The following DERA variants were observed in gnomAD, a reference collection of about 807,000 sequenced individuals.
The protein encoded by DERA is 2-deoxy-D-ribose 5-phosphate aldolase.
In DERA, 15 loss-of-function variants were observed where a neutral mutation model predicts 41.1. That is an observed-to-expected ratio of 0.37 (90% CI 0.24 to 0.56). The LOEUF (loss-of-function observed/expected upper bound fraction) is 0.56, where lower values mean the gene tolerates loss of function less well. Among genes scored for constraint, DERA ranks in the 20% least tolerant of loss-of-function variants. DERA has a pLI of 0.81. For synonymous variants in DERA, 139 were observed against 137.4 expected, an observed-to-expected ratio of 1.01 and a Z score of -0.08; for missense variants, 396 against 403.4, an observed-to-expected ratio of 0.98 and a Z score of 0.16.
chr12:15,996,806 C>T lies in DERA; in HGVS notation c.637+14370C>T, dbSNP rs571505231. 1.3e-5 allele frequency among the ~76,000 whole-genome samples: 2 copies of T among 152,134 alleles called. No homozygotes were observed. The highest frequency in any genetic ancestry group is 6.5e-5 in the Admixed American group (1 of 15,272). On this transcript the variant is annotated intron_variant, in intron 6 of 8. Transcript: ENST00000428559. This position sits in a 1 kb window ranked among gnomAD's most constrained non-coding sequence, Gnocchi z 4.7. Reference sequence around the variant, plus strand: ...GACTCAAACCCAGCAAACTTGAATTCAGGTACAAAAGATTGATTTTTCCCT... The same window carrying T: ...GACTCAAACCCAGCAAACTTGAATTTAGGTACAAAAGATTGATTTTTCCCT...
At position 15,981,271 on chromosome 12, in the gene DERA, C is replaced by G. The variant is rs1267432028; in HGVS notation, c.509-1037C>G. Among the ~76,000 whole-genome samples the G allele has an allele frequency of 6.6e-6, 1 of 152,112 alleles. No individual in the cohort carries two copies. The highest frequency in any genetic ancestry group is 2.4e-5 in the African/African-American group (1 of 41,416). On this transcript the variant is annotated intron_variant, in intron 5 of 8. Coordinates refer to ENST00000428559, the MANE Select transcript of DERA (RefSeq NM_015954.4). The surrounding 1 kb of genome is among the most constrained non-coding windows in gnomAD (Gnocchi z 6.1). ...GCTGAGGCAGGAGAATGGCGTGAAC[C>G]CCAGAGGCGGAGGTTGCAGTGAGCT...
In DERA at chr12:16,036,179, A is replaced by G. The variant is rs957246050; in HGVS notation, c.751-53A>G. 7.0e-7 allele frequency: 1 copy of G among 1,432,422 alleles called. No individual in the cohort carries two copies. The highest frequency in any genetic ancestry group is 2.0e-4 in the Middle Eastern group (1 of 5,114). 88.7% of individuals were successfully genotyped at this position (1,432,422 alleles called of 1,614,324 possible). A position where few individuals can be genotyped will look rare whatever the true frequency, so the allele number is the denominator to read the frequency against. ...CTCTGATAAACATAGTACTATTTTTAAAAGAAATCCAATAACAATAAAGAT... is the reference window on the plus strand; with the variant it reads ...CTCTGATAAACATAGTACTATTTTTGAAAGAAATCCAATAACAATAAAGAT... On this transcript the variant is annotated intron_variant, in intron 7 of 8. Coordinates refer to ENST00000428559, the MANE Select transcript of DERA (RefSeq NM_015954.4). This position sits in a 1 kb window ranked among gnomAD's most constrained non-coding sequence, Gnocchi z 4.9.
At position 15,931,074 on chromosome 12, in the gene DERA, T is replaced by C. The variant is rs966411365; in HGVS notation, c.31+19660T>C. On this transcript the variant is annotated intron_variant, in intron 1 of 8. Transcript: ENST00000428559. This position sits in a 1 kb window ranked among gnomAD's most constrained non-coding sequence, Gnocchi z 4.6. ...AATAGTTTTCAAATTGTTTTAAGTGTTTTCTATTATGGAGATATAAATAAT... is the reference window on the plus strand; with the variant it reads ...AATAGTTTTCAAATTGTTTTAAGTGCTTTCTATTATGGAGATATAAATAAT... 6.6e-6 allele frequency among the ~76,000 whole-genome samples: 1 copy of C among 152,206 alleles called. No homozygotes were observed. Among genetic ancestry groups the C allele is most frequent in the Admixed American group, 6.5e-5 (1 of 15,282 alleles).
At position 16,020,650 on chromosome 12, in the gene DERA, A is replaced by G. The variant is rs1305107731; in HGVS notation, c.638-11892A>G. Reference sequence around the variant, plus strand: ...CAGAAAAAGACAGGAAGATGAGAGAAAGTTTGAAACTTATGAGAGACTGGT... The same window carrying G: ...CAGAAAAAGACAGGAAGATGAGAGAGAGTTTGAAACTTATGAGAGACTGGT... On this transcript the variant is annotated intron_variant, in intron 6 of 8. Coordinates refer to ENST00000428559, the MANE Select transcript of DERA (RefSeq NM_015954.4). This position sits in a 1 kb window ranked among gnomAD's most constrained non-coding sequence, Gnocchi z 5.5. Among the ~76,000 whole-genome samples, 1 of 152,208 alleles carries G rather than the reference A, an allele frequency of 6.6e-6. No individual in the cohort carries two copies. The highest frequency in any genetic ancestry group is 6.5e-5 in the Admixed American group (1 of 15,276).
chr12:16,036,742 C>G lies in DERA; in HGVS notation c.953C>G (p.Ser318Cys). ...GCAGCTTATCATGATCTTCCAATGT[C>G]TTAAATCAGTCACCAGTTCCAGAAA... ...RYAAYHDLPM[S>C] Residue 318 changes from serine to cysteine, a missense_variant, in exon 9 of 9, where the codon TCT (serine) becomes TGT (cysteine). Ser to Cys is a moderately radical substitution (Grantham distance 112). Coordinates refer to ENST00000428559, the MANE Select transcript of DERA (RefSeq NM_015954.4). This position sits in a 1 kb window ranked among gnomAD's most constrained non-coding sequence, Gnocchi z 4.9. The G allele has an allele frequency of 6.3e-7, 1 of 1,590,594 alleles. No homozygotes were observed.
chr12:15,924,888 T>C lies in DERA; in HGVS notation c.31+13474T>C, dbSNP rs116388205. Among the ~76,000 whole-genome samples the C allele has an allele frequency of 5.0e-3, 755 of 152,294 alleles. 13 individuals carry two copies. The highest frequency in any genetic ancestry group is 0.017 in the African/African-American group (715 of 41,556). ...GTTTTTATGTTCTAATGCTGCCTTA[T>C]TAATAGGCTGCTTGAGGGTAGGATC... On this transcript the variant is annotated intron_variant, in intron 1 of 8. Transcript: ENST00000428559. This position sits in a 1 kb window ranked among gnomAD's most constrained non-coding sequence, Gnocchi z 5.0.
At chr12:16,032,827 GTGA>G in intron 7 of DERA, 173 bp downstream of exon 7, 2 of 569,452 alleles carry the variant, frequency 3.5e-6, no homozygotes, top group Non-Finnish European at 6.2e-6. Flanking sequence ...GAGAAAAATT[GTGA>G]TGAACAGAAA....
chr12:15,975,506 G>C (rs1034769508), intron 5 of DERA, among the ~76,000 whole-genome samples: 6 of 152,210 alleles, frequency 3.9e-5, no homozygotes, highest in Non-Finnish European at 8.8e-5. Context: ...TAATCTTGGA[G>C]CTAACTTGTT....
rs1221165643 is a variant in DERA at position 15,993,905 on chromosome 12, G to T, written c.637+11469G>T. On this transcript the variant is annotated intron_variant, in intron 6 of 8. Coordinates refer to ENST00000428559, the MANE Select transcript of DERA (RefSeq NM_015954.4). This position sits in a 1 kb window ranked among gnomAD's most constrained non-coding sequence, Gnocchi z 4.4. ...TTTGGTACATGCATATCCTTTTAAA[G>T]AAAAGGTTGAGTATATGACAGACAT... Among the ~76,000 whole-genome samples the T allele has an allele frequency of 6.6e-6, 1 of 152,192 alleles. No homozygotes were observed. Among genetic ancestry groups the T allele is most frequent in the African/African-American group, 2.4e-5 (1 of 41,444 alleles).
At position 16,017,670 on chromosome 12, in the gene DERA, T is replaced by G. The variant is rs751601308; in HGVS notation, c.638-14872T>G. ...AAAAGAATACAATATTGAAGACTTT[T>G]AATTTGAGGGCTTATATCTTTGCAT... On this transcript the variant is annotated intron_variant, in intron 6 of 8. Coordinates refer to ENST00000428559, the MANE Select transcript of DERA (RefSeq NM_015954.4). The surrounding 1 kb of genome is among the most constrained non-coding windows in gnomAD (Gnocchi z 5.5). Among the ~76,000 whole-genome samples, 1 of 152,248 alleles carries G rather than the reference T, an allele frequency of 6.6e-6. No homozygotes were observed. The highest frequency in any genetic ancestry group is 2.4e-5 in the African/African-American group (1 of 41,474).
At chr12:15,980,380 A>C (rs1948724638) in intron 5 of DERA, among the ~76,000 whole-genome samples, 1 of 152,244 alleles carries the variant, frequency 6.6e-6, no homozygotes, top group Non-Finnish European at 1.5e-5. Context: ...GAAAATCATT[A>C]ATTAAATCAC....
intron 6 of DERA, among the ~76,000 whole-genome samples, chr12:16,031,226 C>T (rs765302105): frequency 3.9e-5 from 6 of 152,198 alleles, no homozygotes; most frequent in Admixed American, 6.5e-5. Context: ...GCGGGGTTTA[C>T]GTTTCATCTC....
intron 1 of DERA, among the ~76,000 whole-genome samples, chr12:15,926,600 G>A (rs960437300): frequency 1.3e-5 from 2 of 152,096 alleles, no homozygotes; most frequent in African/African-American, 4.8e-5. Context: ...GCCGGGCGTG[G>A]TGGCGGGCGC....
At chr12:15,939,305 A>G (rs1948393033) in intron 1 of DERA, among the ~76,000 whole-genome samples, 1 of 152,210 alleles carries the variant, frequency 6.6e-6, no homozygotes, top group Non-Finnish European at 1.5e-5. Context: ...AAGTGAAAGC[A>G]GCAGCACAAC....
At chr12:15,955,537 G>T (rs1592017434) in intron 1 of DERA, among the ~76,000 whole-genome samples, 1 of 152,154 alleles carries the variant, frequency 6.6e-6, no homozygotes, top group African/African-American at 2.4e-5. Flanking sequence ...TGAGGAGCAG[G>T]AGCAGATGGA....
At chr12:15,912,135 T>C (rs1948168946) in intron 1 of DERA, among the ~76,000 whole-genome samples, 1 of 152,010 alleles carries the variant, frequency 6.6e-6, no homozygotes, top group African/African-American at 2.4e-5. Flanking sequence ...AACAAAGGTC[T>C]CTGGTTTTCC....
chr12:15,986,991 A>C (rs971077300), intron 6 of DERA, among the ~76,000 whole-genome samples: 2 of 152,170 alleles, frequency 1.3e-5, no homozygotes, highest in Admixed American at 6.5e-5. Flanking sequence ...CCTTTAAATA[A>C]GTCATTCCAT....
chr12:15,919,791 G>T (rs1044695880), intron 1 of DERA, among the ~76,000 whole-genome samples: 1 of 152,180 alleles, frequency 6.6e-6, no homozygotes, highest in East Asian at 1.9e-4. Context: ...GTAGCTGCTG[G>T]TAGTTATTTC....
At chr12:15,937,007 C>T (rs1350762925) in intron 1 of DERA, among the ~76,000 whole-genome samples, 1 of 151,314 alleles carries the variant, frequency 6.6e-6, no homozygotes, top group Non-Finnish European at 1.5e-5. Flanking sequence ...GTATCTTGCT[C>T]TATTGCCCAA....
Sources: allele counts gnomAD v4.1 joint callset (sites outside exome capture counted in the v4.1 genomes callset), GRCh38; gene constraint gnomAD v4.1.1; non-coding constraint Gnocchi (gnomAD v3.1); transcripts MANE v1.5; gene names NCBI Gene and HGNC (gene_info 2026-07-23, HGNC 2026-07-21).